UPB1: variants seen among roughly 807,000 people sequenced by gnomAD.
The protein encoded by UPB1 is beta-ureidopropionase 1.
UPB1 carries 40 observed loss-of-function variants against 49.1 expected under a neutral mutation model. The observed-to-expected ratio is 0.81, with a 90% CI of 0.63 to 1.06. The LOEUF (loss-of-function observed/expected upper bound fraction) is 1.06, where lower values mean the gene tolerates loss of function less well. UPB1 is among the 50% of genes least tolerant of loss of function. The pLI, the probability that UPB1 is intolerant of heterozygous loss-of-function variation, is 0.00. For synonymous variants in UPB1, 207 were observed against 198.2 expected (o/e 1.04, Z -0.38); for missense variants, 499 against 505.9 (o/e 0.99, Z 0.13).
intron 4 of UPB1, among the ~76,000 whole-genome samples, chr22:24,512,091 A>G (rs527499717): frequency 1.3e-5 from 2 of 152,258 alleles, no homozygotes; most frequent in South Asian, 2.1e-4. Flanking sequence ...GACTTTATCA[A>G]TACTCAGTTG....
rs185719774 is a variant in UPB1 at position 24,495,457 on chromosome 22, G to A, written c.54G>A (p.Pro18=). 86 of 1,614,012 alleles carry A rather than the reference G, an allele frequency of 5.3e-5. No individual in the cohort carries two copies. Among genetic ancestry groups the A allele is most frequent in the East Asian group, 4.5e-4 (20 of 44,888 alleles). ...AGGAATGCTTGGAGAAGCACCTGCC[G>A]CTCCCCGACTTGCAGGAAGTGAAGC... ...SLEECLEKHL[P]LPDLQEVKRV... is the part of the protein sequence containing the mutation. Residue 18 remains proline, a synonymous_variant, in exon 1 of 10, where the codon CCG becomes CCA. Transcript: ENST00000326010.
At chr22:24,521,915 CTGAG>C in intron 7 of UPB1, 67 bp from the exon 8 acceptor site, 2 of 1,533,226 alleles carry the variant, frequency 1.3e-6, no homozygotes, top group South Asian at 2.3e-5. Flanking sequence ...GCTCATCTGG[CTGAG>C]TGAGCTGGAA....
intron 8 of UPB1, among the ~76,000 whole-genome samples, chr22:24,522,292 A>T (rs1482842616): frequency 1.3e-5 from 2 of 152,104 alleles, no homozygotes; most frequent in Non-Finnish European, 2.9e-5. Context: ...AACCAAGAGG[A>T]TGTGGGGGAT....
At chr22:24,509,924 T>C (rs2044166591) in intron 3 of UPB1, among the ~76,000 whole-genome samples, 1 of 152,142 alleles carries the variant, frequency 6.6e-6, no homozygotes, top group Non-Finnish European at 1.5e-5. Flanking sequence ...TATTCTACTT[T>C]CTGTCATTAA....
At position 24,504,770 on chromosome 22, in the gene UPB1, G is replaced by A. The variant is rs2044057752; in HGVS notation, c.364+2557G>A. Among the ~76,000 whole-genome samples the A allele has an allele frequency of 8.7e-5, 10 of 114,978 alleles. No individual in the cohort carries two copies. The Middle Eastern group carries it at 0.027, about 314-fold the overall frequency. 75.4% of individuals were successfully genotyped at this position (114,978 alleles called of 152,430 possible). On this transcript the variant is annotated intron_variant, in intron 3 of 9. Transcript: ENST00000326010. ...TGATACGTGGTCTTACTCTGTCACT[G>A]AGGCTGTAGTGCAGTGGCACAATCA...
Position 24,522,204 on chromosome 22 carries a change from G to A in UPB1, c.916+176G>A, listed in dbSNP as rs8139687. Among the ~76,000 whole-genome samples the A allele has an allele frequency of 9.6e-3, 1,467 of 152,264 alleles. 27 individuals carry two copies. The highest frequency in any genetic ancestry group is 0.033 in the African/African-American group (1,372 of 41,542). ...CCTGCAGTGTGGGAATCGGGCTGTGGCTGGGGTGTGGATAGGCAGTCCTGA... is the reference window on the plus strand; with the variant it reads ...CCTGCAGTGTGGGAATCGGGCTGTGACTGGGGTGTGGATAGGCAGTCCTGA... On this transcript the variant is annotated intron_variant, in intron 8 of 9. Coordinates refer to ENST00000326010, the MANE Select transcript of UPB1 (RefSeq NM_016327.3).
At chr22:24,509,636 G>A (rs939797241) in intron 3 of UPB1, among the ~76,000 whole-genome samples, 1 of 152,140 alleles carries the variant, frequency 6.6e-6, no homozygotes, top group African/African-American at 2.4e-5. Flanking sequence ...CTTTCCCCAA[G>A]GAGTCAATGG....
At chr22:24,495,740 C>T (rs569092252) in intron 1 of UPB1, among the ~76,000 whole-genome samples, 1 of 152,070 alleles carries the variant, frequency 6.6e-6, no homozygotes, top group Non-Finnish European at 1.5e-5. Flanking sequence ...TGCCCAGAAC[C>T]GGAAGGAAAA....
At chr22:24,517,646 T>G (rs67461685) in intron 6 of UPB1, among the ~76,000 whole-genome samples, 14,248 of 152,242 alleles carry the variant, frequency 0.094, 1,691 homozygotes, top group African/African-American at 0.28. Context: ...AATATGCATA[T>G]AATTGCTATG....
intron 3 of UPB1, among the ~76,000 whole-genome samples, chr22:24,509,032 G>A (rs891804159): frequency 3.3e-5 from 5 of 152,246 alleles, no homozygotes; most frequent in South Asian, 2.1e-4. Context: ...CAAAGGGTAT[G>A]AACAAAAAAA....
At position 24,526,194 on chromosome 22, in the gene UPB1, G is replaced by A; in HGVS notation, c.*400G>A. ...GTGAGGGCTGATCCAGAGACCCTGA[G>A]CCTACAGCAAGGCTGTGGTGGGTCG... On this transcript the variant is annotated 3_prime_UTR_variant, in exon 10 of 10. Coordinates refer to ENST00000326010, the MANE Select transcript of UPB1 (RefSeq NM_016327.3). 1 of 322,884 alleles carries A rather than the reference G, an allele frequency of 3.1e-6. No homozygotes were observed. Among genetic ancestry groups the A allele is most frequent in the South Asian group, 2.6e-5 (1 of 38,092 alleles). The allele number at this position is 322,884 out of a possible 1,614,324, so 20.0% of individuals were successfully genotyped here.
At chr22:24,513,092 A>G (rs181271981) in intron 4 of UPB1, among the ~76,000 whole-genome samples, 1 of 152,190 alleles carries the variant, frequency 6.6e-6, no homozygotes, top group African/African-American at 2.4e-5. Context: ...AGGAACTCCC[A>G]TATGGTTTTC....
chr22:24,522,985 C>T (rs928210128), intron 8 of UPB1, among the ~76,000 whole-genome samples: 2 of 149,408 alleles, frequency 1.3e-5, no homozygotes, highest in African/African-American at 2.5e-5. Flanking sequence ...AGGGGCTGAG[C>T]GAGTCTGTTT....
intron 6 of UPB1, among the ~76,000 whole-genome samples, chr22:24,517,052 C>T (rs2044309239): frequency 6.6e-6 from 1 of 152,218 alleles, no homozygotes; most frequent in Admixed American, 6.5e-5. Context: ...TTCTAAACGT[C>T]AGGGTGTGAC....
intron 1 of UPB1, among the ~76,000 whole-genome samples, chr22:24,496,185 A>G: frequency 6.6e-6 from 1 of 152,116 alleles, no homozygotes; most frequent in Admixed American, 6.6e-5. Context: ...CCTGGGCAAC[A>G]TAGTGAGACA....
In UPB1 at chr22:24,510,862, C is replaced by T. The variant is rs1380863784; in HGVS notation, c.459+19C>T. 9.3e-6 allele frequency: 15 copies of T among 1,613,158 alleles called. No individual in the cohort carries two copies. The highest frequency in any genetic ancestry group is 1.3e-5 in the Non-Finnish European group (15 of 1,179,228). Reference sequence around the variant, plus strand: ...TCAGAAGGTAGGACATTAACGGTGCCTCTGGCAGCAGCTGCCAAATATGTG... The same window carrying T: ...TCAGAAGGTAGGACATTAACGGTGCTTCTGGCAGCAGCTGCCAAATATGTG... On this transcript the variant is annotated intron_variant, in intron 4 of 9. Coordinates refer to ENST00000326010, the MANE Select transcript of UPB1 (RefSeq NM_016327.3).
Position 24,523,849 on chromosome 22 carries a change from G to A in UPB1, c.1071+76G>A, listed in dbSNP as rs534462047. ...TCCTGCTCTCAGGAACTGCTGTTGC[G>A]GGGTTGCCCATGGCAGCATGAGGTA... On this transcript the variant is annotated intron_variant, in intron 9 of 9. Transcript: ENST00000326010. The A allele has an allele frequency of 5.9e-5, 95 of 1,606,412 alleles. No individual in the cohort carries two copies. The African/African-American group carries it at 6.0e-4, about 10-fold the overall frequency.
At chr22:24,511,339 A>C (rs1374647720) in intron 4 of UPB1, among the ~76,000 whole-genome samples, 36 of 152,302 alleles carry the variant, frequency 2.4e-4, no homozygotes, top group Non-Finnish European at 4.4e-5. Context: ...AGGCAAATCC[A>C]TAGAGACAGA....
At chr22:24,504,904 AT>A (rs56198043) in intron 3 of UPB1, among the ~76,000 whole-genome samples, 34,052 of 109,290 alleles carry the variant, frequency 0.31, 3,071 homozygotes, top group East Asian at 0.37. Flanking sequence ...ATTTTCTTGA[AT>A]TTTTTTTTTT....
Sources: allele counts gnomAD v4.1 joint callset (sites outside exome capture counted in the v4.1 genomes callset), GRCh38; gene constraint gnomAD v4.1.1; transcripts MANE v1.5; gene names NCBI Gene and HGNC (gene_info 2026-07-23, HGNC 2026-07-21).